Variants in IGF2BP2 observed in about 807,000 individuals in gnomAD.
IGF2BP2 encodes insulin like growth factor 2 mRNA binding protein 2.
A neutral mutation model predicts 75.8 loss-of-function variants in IGF2BP2; 17 were observed. That is an observed-to-expected ratio of 0.22 (90% confidence interval 0.15 to 0.34). The LOEUF is 0.34. Among genes scored for constraint, IGF2BP2 ranks in the 10% least tolerant of loss-of-function variants. The probability of loss-of-function intolerance (pLI) is 1.00; values close to 1 mark genes in which losing one functional copy is unlikely to be tolerated. For synonymous variants in IGF2BP2, 288 were observed against 295.6 expected (o/e 0.97, Z 0.26); for missense variants, 516 against 772.4 (o/e 0.67, Z 3.93).
Position 185,672,442 on chromosome 3 carries a change from T to C in IGF2BP2, c.1200+99A>G, listed in dbSNP as rs557358972. 2.8e-5 allele frequency: 35 copies of C among 1,264,264 alleles called. No individual in the cohort carries two copies. In the East Asian group the frequency reaches 3.3e-4, roughly 12 times the overall value. The allele number at this position is 1,264,264 out of a possible 1,614,324, so 78.3% of individuals were successfully genotyped here. ...ATTCATCTCTACTCGAGCATGGCCT[T>C]TAAATGAAAGCTTCCGTTCTGATTC... On this transcript the variant is annotated intron_variant, in intron 10 of 15. Coordinates refer to ENST00000382199, the MANE Select transcript of IGF2BP2 (RefSeq NM_006548.6).
Position 185,729,651 on chromosome 3 carries a change from A to G in IGF2BP2, c.240-31304T>C, listed in dbSNP as rs1237084579. On this transcript the variant is annotated intron_variant, in intron 2 of 15. Transcript: ENST00000382199. Reference sequence around the variant, plus strand: ...GTAAAAAATTTTAATGTAACAGAATATTAACGTTCATATGCTTTCAGATAC... The same window carrying G: ...GTAAAAAATTTTAATGTAACAGAATGTTAACGTTCATATGCTTTCAGATAC... The G allele has an allele frequency of 2.0e-5, 3 of 152,342 alleles. No individual in the cohort carries two copies. In the East Asian group the frequency reaches 5.8e-4, roughly 29 times the overall value. 9.4% of individuals were successfully genotyped at this position (152,342 alleles called of 1,614,324 possible).
intron 2 of IGF2BP2, among the ~76,000 whole-genome samples, chr3:185,782,827 G>A (rs1015050858): frequency 4.6e-5 from 7 of 152,172 alleles, no homozygotes; most frequent in African/African-American, 1.7e-4. Context: ...TGGGGACTGG[G>A]AGGTGGAAGT....
intron 7 of IGF2BP2, 24 bp downstream of exon 7, chr3:185,687,033 T>C (rs759219580): frequency 1.6e-5 from 26 of 1,608,594 alleles, no homozygotes; most frequent in Middle Eastern, 2.2e-4. Context: ...TGTTGAGTGA[T>C]CTGGGCATTG....
intron 2 of IGF2BP2, among the ~76,000 whole-genome samples, chr3:185,750,389 AG>A (rs1425967039): frequency 2.0e-5 from 3 of 152,186 alleles, no homozygotes; most frequent in Non-Finnish European, 2.9e-5. Context: ...AAGAAAGGAG[AG>A]AAACTCCCCT....
chr3:185,677,106 GAT>G (rs1719673888), intron 7 of IGF2BP2, among the ~76,000 whole-genome samples: 3 of 128,364 alleles, frequency 2.3e-5, no homozygotes, highest in African/African-American at 8.6e-5. Flanking sequence ...GAGAGAGAGA[GAT>G]GTATATATAT....
chr3:185,785,437 T>A (rs1735763020), intron 2 of IGF2BP2, among the ~76,000 whole-genome samples: 1 of 152,074 alleles, frequency 6.6e-6, no homozygotes, highest in African/African-American at 2.4e-5. Context: ...AAAATGGAAT[T>A]CTGGTCTAAT....
chr3:185,687,617 C>T (rs1721324902), intron 6 of IGF2BP2, among the ~76,000 whole-genome samples: 1 of 152,214 alleles, frequency 6.6e-6, no homozygotes, highest in African/African-American at 2.4e-5. Flanking sequence ...AATCCGAACA[C>T]CAAATTCAAG....
chr3:185,745,624 G>C (rs1210503742), intron 2 of IGF2BP2, among the ~76,000 whole-genome samples: 2 of 152,164 alleles, frequency 1.3e-5, no homozygotes, highest in African/African-American at 4.8e-5. Flanking sequence ...ACCGTCTTCT[G>C]TCTGTCCTCT....
At chr3:185,701,124 G>A (rs147351992) in intron 2 of IGF2BP2, among the ~76,000 whole-genome samples, 329 of 151,852 alleles carry the variant, frequency 2.2e-3, no homozygotes, top group African/African-American at 6.3e-3. Flanking sequence ...TAGAGATGGG[G>A]TCTTGATATA....
At chr3:185,810,364 A>G (rs1032378565) in intron 2 of IGF2BP2, among the ~76,000 whole-genome samples, 6 of 152,248 alleles carry the variant, frequency 3.9e-5, no homozygotes, top group African/African-American at 1.4e-4. Context: ...AATACAGAAA[A>G]GTGCAGCAGT....
chr3:185,754,605 T>A (rs148490918), intron 2 of IGF2BP2, among the ~76,000 whole-genome samples: 2 of 152,198 alleles, frequency 1.3e-5, no homozygotes, highest in Non-Finnish European at 2.9e-5. Flanking sequence ...GTTTGGAACT[T>A]CTTAAAGACT....
intron 7 of IGF2BP2, among the ~76,000 whole-genome samples, chr3:185,681,559 AT>A (rs1720389704): frequency 6.6e-6 from 1 of 152,366 alleles, no homozygotes; most frequent in Non-Finnish European, 1.5e-5. Context: ...CACAGTGGGC[AT>A]TGTTTGAAGA....
intron 2 of IGF2BP2, among the ~76,000 whole-genome samples, chr3:185,726,881 T>TG (rs1424586440): frequency 2.6e-5 from 4 of 151,978 alleles, no homozygotes; most frequent in African/African-American, 7.2e-5. Flanking sequence ...AAGGGGGTTG[T>TG]GGGAAAAAAA....
At chr3:185,669,204 T>C (rs1482900823) in intron 10 of IGF2BP2, among the ~76,000 whole-genome samples, 1 of 152,184 alleles carries the variant, frequency 6.6e-6, no homozygotes, top group Non-Finnish European at 1.5e-5. Context: ...TTATATACTA[T>C]GTATCAGCAT....
At chr3:185,654,412 C>T (rs952503298) in intron 12 of IGF2BP2, among the ~76,000 whole-genome samples, 1 of 152,196 alleles carries the variant, frequency 6.6e-6, no homozygotes, top group Admixed American at 6.5e-5. Context: ...CAAGAGAGAG[C>T]AGATCATGGC....
At chr3:185,768,932 C>G (rs1733479339) in intron 2 of IGF2BP2, among the ~76,000 whole-genome samples, 1 of 152,194 alleles carries the variant, frequency 6.6e-6, no homozygotes, top group Non-Finnish European at 1.5e-5. Flanking sequence ...GAGGCTGAGA[C>G]AGGAGAATTG....
At chr3:185,805,707 T>A (rs893012750) in intron 2 of IGF2BP2, among the ~76,000 whole-genome samples, 2 of 152,156 alleles carry the variant, frequency 1.3e-5, no homozygotes, top group Non-Finnish European at 2.9e-5. Flanking sequence ...GCTCACGGAA[T>A]TCCCTGTTCA....
intron 10 of IGF2BP2, among the ~76,000 whole-genome samples, chr3:185,665,242 GAGA>G (rs1194381173): frequency 7.3e-6 from 1 of 136,960 alleles, no homozygotes; most frequent in Non-Finnish European, 1.6e-5. Flanking sequence ...GGAGGAGAAG[GAGA>G]AGAAGGAGAA....
In IGF2BP2 at chr3:185,825,009, C is replaced by G; in HGVS notation, c.-49G>C. ...GGCTCCCCCGGCCCGGTACCCGGCGCTCCTCGCCTCCTCCGCTGCCCTCGT... is the reference window on the plus strand; with the variant it reads ...GGCTCCCCCGGCCCGGTACCCGGCGGTCCTCGCCTCCTCCGCTGCCCTCGT... On this transcript the variant is annotated 5_prime_UTR_variant, in exon 1 of 16. Transcript: ENST00000382199. 1.4e-6 allele frequency: 2 copies of G among 1,386,976 alleles called. No homozygotes were observed. Among genetic ancestry groups the G allele is most frequent in the East Asian group, 2.9e-5 (1 of 34,412 alleles). 85.9% of individuals were successfully genotyped at this position (1,386,976 alleles called of 1,614,324 possible).
Sources: allele counts gnomAD v4.1 joint callset (sites outside exome capture counted in the v4.1 genomes callset), GRCh38; gene constraint gnomAD v4.1.1; transcripts MANE v1.5; gene names NCBI Gene and HGNC (gene_info 2026-07-23, HGNC 2026-07-21).